Variants in DNM3 observed in about 807,000 individuals in gnomAD.
The protein encoded by DNM3 is dynamin-3.
DNM3 carries 47 observed loss-of-function variants against 101.6 expected under a neutral mutation model. That is an observed-to-expected ratio of 0.46 (90% CI 0.37 to 0.59). The LOEUF (loss-of-function observed/expected upper bound fraction) is 0.59. Among genes scored for constraint, DNM3 ranks in the 20% least tolerant of loss-of-function variants. The pLI, the probability that DNM3 is intolerant of heterozygous loss-of-function variation, is 0.00. For missense variants in DNM3, 849 were observed against 1,085.7 expected (o/e 0.78, Z 3.06); for synonymous variants, 385 against 387.9 (o/e 0.99, Z 0.09).
intron 14 of DNM3, among the ~76,000 whole-genome samples, chr1:172,150,588 C>T (rs549577262): frequency 6.6e-6 from 1 of 152,270 alleles, no homozygotes; most frequent in South Asian, 2.1e-4. Flanking sequence ...TTTAATCCAG[C>T]AATCCTGAAA....
chr1:172,195,052 G>A (rs72721157), intron 14 of DNM3, among the ~76,000 whole-genome samples: 4,908 of 152,064 alleles, frequency 0.032, 117 homozygotes, highest in Non-Finnish European at 0.046. Context: ...GGTAAGGCAG[G>A]CCTGTTGGTG....
intron 20 of DNM3, among the ~76,000 whole-genome samples, chr1:172,405,456 G>A (rs1452287569): frequency 1.3e-5 from 2 of 152,084 alleles, no homozygotes; most frequent in African/African-American, 4.8e-5. Context: ...AGGAATAACA[G>A]TTAAGCCAAG....
chr1:171,914,864 A>C (rs1020075169), intron 1 of DNM3, among the ~76,000 whole-genome samples: 1 of 152,160 alleles, frequency 6.6e-6, no homozygotes, highest in Non-Finnish European at 1.5e-5. Context: ...CTGAGGGAAC[A>C]CACAAGGGTG....
chr1:172,224,244 C>T (rs1273240517), intron 14 of DNM3, among the ~76,000 whole-genome samples: 1 of 152,142 alleles, frequency 6.6e-6, no homozygotes, highest in African/African-American at 2.4e-5. Context: ...CCTTGCACTG[C>T]CCCTTTCATA....
At chr1:172,117,420 A>G (rs2055991130) in intron 13 of DNM3, among the ~76,000 whole-genome samples, 1 of 152,092 alleles carries the variant, frequency 6.6e-6, no homozygotes, top group African/African-American at 2.4e-5. Flanking sequence ...TAATTGAATC[A>G]TTGGGGCCAG....
chr1:172,102,153 C>T (rs1177056368), intron 13 of DNM3, among the ~76,000 whole-genome samples: 5 of 151,876 alleles, frequency 3.3e-5, no homozygotes, highest in South Asian at 2.1e-4. Flanking sequence ...CCACCACGCC[C>T]GGCCACTTAA....
chr1:171,944,435 G>A (rs180898076), intron 2 of DNM3, among the ~76,000 whole-genome samples: 10 of 151,638 alleles, frequency 6.6e-5, no homozygotes, highest in Admixed American at 5.3e-4. Flanking sequence ...GAGTATAGTG[G>A]CGGGATCTCA....
chr1:172,234,926 G>A (rs923245025), intron 14 of DNM3, among the ~76,000 whole-genome samples: 5 of 152,188 alleles, frequency 3.3e-5, no homozygotes, highest in Admixed American at 3.3e-4. Context: ...GTACCATTCA[G>A]GACACAGGCA....
chr1:172,047,848 G>T (rs931830614), intron 9 of DNM3, among the ~76,000 whole-genome samples: 1 of 151,878 alleles, frequency 6.6e-6, no homozygotes, highest in African/African-American at 2.4e-5. Flanking sequence ...GAGTGGGGAG[G>T]ACCCAGTGCC....
chr1:172,078,554 G>A (rs1332681937), intron 11 of DNM3, among the ~76,000 whole-genome samples: 1 of 151,802 alleles, frequency 6.6e-6, no homozygotes, highest in African/African-American at 2.4e-5. Context: ...ACAGCACACT[G>A]ATGGGTCTTG....
intron 14 of DNM3, among the ~76,000 whole-genome samples, chr1:172,183,874 C>T (rs1403510028): frequency 7.2e-6 from 1 of 139,384 alleles, no homozygotes; most frequent in East Asian, 2.1e-4. Flanking sequence ...TCCCAAAGTG[C>T]TGGGATTACA....
intron 11 of DNM3, among the ~76,000 whole-genome samples, chr1:172,072,417 T>G (rs796825181): frequency 1.2e-4 from 19 of 152,308 alleles, no homozygotes; most frequent in African/African-American, 4.6e-4. Flanking sequence ...TTTTAAATCT[T>G]TTTTTGACAG....
chr1:171,992,408 T>C (rs904132246), intron 4 of DNM3, among the ~76,000 whole-genome samples: 8 of 152,136 alleles, frequency 5.3e-5, no homozygotes, highest in Admixed American at 6.6e-5. Context: ...TGTGTTGTTA[T>C]AGCGTAAGGA....
intron 10 of DNM3, among the ~76,000 whole-genome samples, chr1:172,062,051 G>T (rs2051271630): frequency 6.6e-6 from 1 of 152,056 alleles, no homozygotes; most frequent in Non-Finnish European, 1.5e-5. Context: ...CCTGGGACTT[G>T]GTTTTAATGG....
At chr1:171,857,054 G>A (rs932247362) in intron 1 of DNM3, among the ~76,000 whole-genome samples, 12 of 152,208 alleles carry the variant, frequency 7.9e-5, no homozygotes, top group Non-Finnish European at 1.5e-5. Context: ...TAGAAGAGGA[G>A]TGGTGGGAGA....
rs147991701 is a variant in DNM3 at position 172,008,548 on chromosome 1, A to G, written c.589+19400A>G. Among the ~76,000 whole-genome samples, 9 of 145,674 alleles carry G rather than the reference A, an allele frequency of 6.2e-5. No individual in the cohort carries two copies. In the East Asian group the frequency reaches 1.8e-3, roughly 29 times the overall value. On this transcript the variant is annotated intron_variant, in intron 4 of 20. Transcript: ENST00000627582. ...ATTTCTGTGTTCTCTATTTTGTTCC[A>G]TTGGTCTAGTTTTAGCCTTAAATTT...
Position 172,409,892 on chromosome 1 carries a change from G to C in DNM3, c.*2051G>C, listed in dbSNP as rs1262359862. The C allele has an allele frequency of 1.0e-6, 1 of 985,560 alleles. No homozygotes were observed. The highest frequency in any genetic ancestry group is 1.7e-5 in the African/African-American group (1 of 57,198). 61.1% of individuals were successfully genotyped at this position (985,560 alleles called of 1,614,324 possible). On this transcript the variant is annotated 3_prime_UTR_variant, in exon 21 of 21. Transcript: ENST00000627582. The stretch of plus-strand genomic sequence containing the variant: ...TCCTTCTGTTAAAGGAAAATATTGT[G>C]AATAACCACTGGTGTGTTCTTAGAT...
chr1:172,133,388 A>G (rs2057044951), intron 14 of DNM3: 1 of 988,378 alleles, frequency 1.0e-6, no homozygotes, highest in Non-Finnish European at 1.2e-6. Flanking sequence ...CAGTTATAAT[A>G]TTAACCAAGT....
At chr1:172,091,970 G>A (rs991397477) in intron 12 of DNM3, among the ~76,000 whole-genome samples, 1 of 152,168 alleles carries the variant, frequency 6.6e-6, no homozygotes, top group African/African-American at 2.4e-5. Flanking sequence ...AGCATTTTCT[G>A]ATGGTCGGAT....
Sources: gnomAD v4.1 joint callset for allele counts (sites outside exome capture counted in the v4.1 genomes callset) on GRCh38, gnomAD v4.1.1 for gene constraint, MANE v1.5 for transcripts, NCBI Gene and HGNC (gene_info 2026-07-23, HGNC 2026-07-21) for gene names.